Variants in PTPRG observed in about 807,000 individuals in gnomAD.
PTPRG encodes receptor-type tyrosine-protein phosphatase gamma.
In PTPRG, 102 loss-of-function variants were observed where a neutral mutation model predicts 165.3. That is an observed-to-expected ratio of 0.62 (90% confidence interval 0.53 to 0.73). The LOEUF is 0.73. Among genes scored for constraint, PTPRG ranks in the 30% least tolerant of loss-of-function variants. The pLI is 0.00. For synonymous variants in PTPRG, 675 were observed against 669.5 expected (o/e 1.01, Z -0.13); for missense variants, 1,866 against 1,861.4 (o/e 1.00, Z -0.05).
At chr3:61,564,515 GC>G (rs1330596725) in intron 1 of PTPRG, among the ~76,000 whole-genome samples, 4 of 152,204 alleles carry the variant, frequency 2.6e-5, no homozygotes, top group Admixed American at 6.5e-5. Flanking sequence ...GAGGTAAATA[GC>G]CCCTTTCCTG....
At chr3:61,867,251 C>T (rs2037437973) in intron 2 of PTPRG, among the ~76,000 whole-genome samples, 1 of 152,126 alleles carries the variant, frequency 6.6e-6, no homozygotes, top group Non-Finnish European at 1.5e-5. Context: ...GGCCAAGGAG[C>T]AATTGCATGT....
intron 1 of PTPRG, among the ~76,000 whole-genome samples, chr3:61,567,683 A>AT (rs1699949121): frequency 6.7e-6 from 1 of 148,574 alleles, no homozygotes; most frequent in Admixed American, 6.7e-5. Flanking sequence ...AAAAAAAAAA[A>AT]TTAAAAGATC....
At chr3:61,897,487 A>G (rs540586431) in intron 2 of PTPRG, among the ~76,000 whole-genome samples, 3 of 152,272 alleles carry the variant, frequency 2.0e-5, no homozygotes, top group South Asian at 4.1e-4. Flanking sequence ...CGTGATTACT[A>G]TAGCTGTACA....
intron 13 of PTPRG, among the ~76,000 whole-genome samples, chr3:62,220,268 C>T (rs546410952): frequency 2.0e-5 from 3 of 152,140 alleles, no homozygotes; most frequent in Non-Finnish European, 4.4e-5. Flanking sequence ...GCCTTTCACT[C>T]GAAGATGAGT....
chr3:62,216,233 T>A (rs1379894622), intron 12 of PTPRG, among the ~76,000 whole-genome samples: 9 of 137,354 alleles, frequency 6.6e-5, no homozygotes, highest in African/African-American at 8.2e-5. Flanking sequence ...AAAAAAAAAA[T>A]GATAGAAATA....
Position 61,815,438 on chromosome 3 carries a change from A to G in PTPRG, c.190+66456A>G, listed in dbSNP as rs116346574. On this transcript the variant is annotated intron_variant, in intron 2 of 29. Coordinates refer to ENST00000474889, the MANE Select transcript of PTPRG (RefSeq NM_002841.4). ...TAAAAATAAAAATAAAAGAAATCTT[A>G]TTGTTTCATTTTACTGTCTTGATTG... Among the ~76,000 whole-genome samples, 589 of 152,122 alleles carry G rather than the reference A, an allele frequency of 3.9e-3. 2 individuals carry two copies. Among genetic ancestry groups the G allele is most frequent in the Non-Finnish European group, 6.8e-3 (465 of 67,986 alleles).
intron 1 of PTPRG, among the ~76,000 whole-genome samples, chr3:61,653,183 T>C (rs1476053698): frequency 6.6e-6 from 1 of 152,230 alleles, no homozygotes; most frequent in African/African-American, 2.4e-5. Flanking sequence ...TAGTTTTTTT[T>C]TTCTATACAT....
intron 2 of PTPRG, among the ~76,000 whole-genome samples, chr3:61,805,344 AG>A (rs970326055): frequency 6.6e-6 from 1 of 152,148 alleles, no homozygotes; most frequent in Non-Finnish European, 1.5e-5. Context: ...GATAGTGCCA[AG>A]GTTAAGAAAC....
rs1416544308 is a variant in PTPRG, at chr3:62,217,319, C to T, written c.2156-1532C>T. ...CCTGTGAGCAGGGGATACATCAGGT[C>T]CTGTCTGCGTCACAGGCCTGTGCCT... On this transcript the variant is annotated intron_variant, in intron 12 of 29. Transcript: ENST00000474889. This position sits in a 1 kb window ranked among gnomAD's most constrained non-coding sequence, Gnocchi z 4.3. 1.3e-5 allele frequency among the ~76,000 whole-genome samples: 2 copies of T among 152,180 alleles called. No homozygotes were observed. Among genetic ancestry groups the T allele is most frequent in the African/African-American group, 2.4e-5 (1 of 41,450 alleles).
intron 2 of PTPRG, among the ~76,000 whole-genome samples, chr3:61,957,217 T>C (rs1309632755): frequency 6.6e-6 from 1 of 152,232 alleles, no homozygotes. Flanking sequence ...TCTGATGCCT[T>C]TCTCTTTACT....
chr3:62,132,994 G>A (rs73096543), intron 6 of PTPRG, among the ~76,000 whole-genome samples: 18,312 of 152,142 alleles, frequency 0.12, 1,278 homozygotes, highest in East Asian at 0.34. Context: ...TATTCTTTCA[G>A]TTGTCTTTTC....
intron 1 of PTPRG, among the ~76,000 whole-genome samples, chr3:61,741,081 T>C (rs143847828): frequency 1.2e-3 from 187 of 152,346 alleles, no homozygotes; most frequent in African/African-American, 4.2e-3. Flanking sequence ...CTTTTGCCCA[T>C]TGTAGGCATA....
Position 62,296,705 on chromosome 3 carries a change from G to T in PTPRG, c.*3398G>T, listed in dbSNP as rs1442027506. ...ACTTAACCCTTTGCGCTTTCCCTTA[G>T]TTGTCATTTAACATACAATACTGGC... On this transcript the variant is annotated 3_prime_UTR_variant, in exon 30 of 30. Transcript: ENST00000474889. 1.3e-5 allele frequency: 2 copies of T among 148,598 alleles called. No individual in the cohort carries two copies. The highest frequency in any genetic ancestry group is 3.9e-4 in the East Asian group (2 of 5,074). The allele number at this position is 148,598 out of a possible 1,614,324, so 9.2% of individuals were successfully genotyped here. A position where few individuals can be genotyped will look rare whatever the true frequency, so the allele number is the denominator to read the frequency against.
At chr3:62,141,862 C>T (rs1167842166) in intron 6 of PTPRG, among the ~76,000 whole-genome samples, 6 of 151,624 alleles carry the variant, frequency 4.0e-5, no homozygotes, top group Non-Finnish European at 8.8e-5. Context: ...TGAGTCAAGA[C>T]TGCACTCCAG....
At position 62,203,192 on chromosome 3, in the gene PTPRG, C is replaced by G. The variant is rs1383934168; in HGVS notation, c.1397C>G (p.Ser466Cys). The change falls in exon 12 of 30, where the codon TCT becomes TGT. Residue 466 changes from serine (S) to cysteine (C), a missense_variant. Coordinates refer to ENST00000474889, the MANE Select transcript of PTPRG (RefSeq NM_002841.4). The surrounding 1 kb of genome is among the most constrained non-coding windows in gnomAD (Gnocchi z 6.4). The stretch of plus-strand genomic sequence containing the variant: ...TTCCAGCCCACAGCGTCTCCTGCCT[C>G]TTCAGCCGACATGGCCCCCATCAGC... ...KTGVPTASPA[S>C]SADMAPISSG... 2 of 1,597,966 alleles carry G rather than the reference C, an allele frequency of 1.3e-6. No homozygotes were observed. The highest frequency in any genetic ancestry group is 4.5e-5 in the East Asian group (2 of 44,520).
intron 4 of PTPRG, among the ~76,000 whole-genome samples, chr3:62,051,626 AC>A (rs1700472165): frequency 1.3e-5 from 2 of 152,144 alleles, no homozygotes. Flanking sequence ...TCTTTAATCT[AC>A]CCAGGTGAAT....
Position 62,121,266 on chromosome 3 carries a change from T to G in PTPRG, c.616-11336T>G, listed in dbSNP as rs1333605550. On this transcript the variant is annotated intron_variant, in intron 5 of 29. Transcript: ENST00000474889. ...CCGCGCCCAGCCTATAGCTACAGCT[T>G]TTAAGGATCTTGGATGTGTTAGGAA... Among the ~76,000 whole-genome samples the G allele has an allele frequency of 2.6e-5, 4 of 152,076 alleles. 1 individual carries two copies. The highest frequency in any genetic ancestry group is 2.6e-4 in the Admixed American group (4 of 15,268).
chr3:61,727,708 G>T (rs1056870155), intron 1 of PTPRG, among the ~76,000 whole-genome samples: 1 of 152,186 alleles, frequency 6.6e-6, no homozygotes, highest in East Asian at 1.9e-4. Flanking sequence ...ACAGGTTAAT[G>T]TGTAAGGTCA....
chr3:61,694,840 G>A (rs993853490), intron 1 of PTPRG, among the ~76,000 whole-genome samples: 39 of 152,060 alleles, frequency 2.6e-4, no homozygotes, highest in African/African-American at 9.2e-4. Flanking sequence ...TGGGAGTGAG[G>A]AACATGCTAT....
Sources: allele counts gnomAD v4.1 joint callset (sites outside exome capture counted in the v4.1 genomes callset), GRCh38; gene constraint gnomAD v4.1.1; non-coding constraint Gnocchi (gnomAD v3.1); transcripts MANE v1.5; gene names NCBI Gene and HGNC (gene_info 2026-07-23, HGNC 2026-07-21).